MAGI2: variants seen among roughly 807,000 people sequenced by gnomAD.
MAGI2 encodes membrane associated guanylate kinase, WW and PDZ domain containing 2, also known as membrane-associated guanylate kinase, WW and PDZ domain-containing protein 2.
Under a neutral mutation model 133.3 loss-of-function variants are expected in MAGI2, and 35 were observed. The ratio of observed to expected loss-of-function variants is 0.26; its 90% CI spans 0.20 to 0.35. The LOEUF (loss-of-function observed/expected upper bound fraction) is 0.35, where lower values mean the gene tolerates loss of function less well. Among genes scored for constraint, MAGI2 ranks in the 10% least tolerant of loss-of-function variants. The pLI, the probability that MAGI2 is intolerant of heterozygous loss-of-function variation, is 1.00. For synonymous variants in MAGI2, 729 were observed against 710.6 expected (o/e 1.03, Z -0.41); for missense variants, 1,636 against 1,863.4 (o/e 0.88, Z 2.25).
intron 10 of MAGI2, 37 bp downstream of exon 10, chr7:78,255,906 C>T (rs1433471324): frequency 1.9e-6 from 3 of 1,593,474 alleles, no homozygotes; most frequent in Non-Finnish European, 2.6e-6. Context: ...TACTATTTTA[C>T]CCACATATTT....
chr7:79,287,091 T>A (rs988443139), intron 1 of MAGI2, among the ~76,000 whole-genome samples: 1 of 152,130 alleles, frequency 6.6e-6, no homozygotes, highest in Non-Finnish European at 1.5e-5. Flanking sequence ...TGTCCTTCAG[T>A]ACCTTACTCC....
intron 2 of MAGI2, among the ~76,000 whole-genome samples, chr7:78,987,935 T>C (rs926023695): frequency 1.3e-5 from 2 of 152,112 alleles, no homozygotes; most frequent in Admixed American, 6.6e-5. Context: ...ACACATTTTG[T>C]CTCAGGATTT....
intron 21 of MAGI2, among the ~76,000 whole-genome samples, chr7:78,066,540 A>G (rs1813848008): frequency 6.6e-6 from 1 of 151,756 alleles, no homozygotes; most frequent in Non-Finnish European, 1.5e-5. Context: ...AAAAAAATGC[A>G]GCAGTGTCTT....
chr7:79,305,305 T>A lies in MAGI2; in HGVS notation c.301+147715A>T, dbSNP rs61449027. On this transcript the variant is annotated intron_variant, in intron 1 of 21. Coordinates refer to ENST00000354212, the MANE Select transcript of MAGI2 (RefSeq NM_012301.4). ...AGCTCAGTCACTTCAACAGATCTTG[T>A]TTGTTTTCTTCATTGGAAGCTTTGA... Among the ~76,000 whole-genome samples the A allele has an allele frequency of 1.6e-3, 237 of 152,250 alleles. 9 individuals carry two copies. The East Asian group carries it at 0.04, about 25-fold the overall frequency.
intron 1 of MAGI2, among the ~76,000 whole-genome samples, chr7:79,439,320 T>A (rs1354037096): frequency 1.3e-5 from 2 of 152,100 alleles, no homozygotes; most frequent in Non-Finnish European, 2.9e-5. Flanking sequence ...CTGTCCTATC[T>A]TCTTGGATTC....
At chr7:78,394,076 A>G (rs1796129442) in intron 6 of MAGI2, among the ~76,000 whole-genome samples, 2 of 152,302 alleles carry the variant, frequency 1.3e-5, no homozygotes, top group South Asian at 4.1e-4. Context: ...TCCCAAGGCC[A>G]AAGCTCTGAG....
chr7:78,969,114 C>T (rs1164562173), intron 2 of MAGI2, among the ~76,000 whole-genome samples: 1 of 152,008 alleles, frequency 6.6e-6, no homozygotes, highest in Non-Finnish European at 1.5e-5. Context: ...CTTGTTGCCA[C>T]GTGTGTCGGG....
intron 2 of MAGI2, among the ~76,000 whole-genome samples, chr7:78,712,353 A>G (rs1819279832): frequency 6.6e-6 from 1 of 152,182 alleles, no homozygotes; most frequent in Non-Finnish European, 1.5e-5. Flanking sequence ...GCTATTTCCA[A>G]ACAAATTTAG....
intron 6 of MAGI2, among the ~76,000 whole-genome samples, chr7:78,479,467 G>A (rs535764889): frequency 1.3e-4 from 20 of 151,950 alleles, no homozygotes; most frequent in Non-Finnish European, 2.9e-4. Flanking sequence ...GGTGACCTAG[G>A]GAAGTGCTTT....
chr7:78,516,215 C>A (rs1047314350), intron 4 of MAGI2, among the ~76,000 whole-genome samples: 1 of 152,134 alleles, frequency 6.6e-6, no homozygotes, highest in African/African-American at 2.4e-5. Context: ...AGTTTATATA[C>A]GGGATTAATG....
At chr7:78,268,481 C>T (rs1794235482) in intron 9 of MAGI2, among the ~76,000 whole-genome samples, 1 of 152,010 alleles carries the variant, frequency 6.6e-6, no homozygotes, top group Non-Finnish European at 1.5e-5. Flanking sequence ...TATTTTAATC[C>T]TTGAAGTAGC....
At chr7:78,759,114 T>C (rs962795029) in intron 2 of MAGI2, among the ~76,000 whole-genome samples, 1 of 152,174 alleles carries the variant, frequency 6.6e-6, no homozygotes, top group African/African-American at 2.4e-5. Context: ...AACATATTTT[T>C]GGGAAAATCA....
chr7:79,150,900 T>A (rs1383057176), intron 1 of MAGI2, among the ~76,000 whole-genome samples: 2 of 152,102 alleles, frequency 1.3e-5, no homozygotes, highest in African/African-American at 4.8e-5. Context: ...TAATAAAATA[T>A]CTTAAAATAA....
At chr7:79,308,710 T>C (rs1350867674) in intron 1 of MAGI2, among the ~76,000 whole-genome samples, 1 of 152,186 alleles carries the variant, frequency 6.6e-6, no homozygotes, top group East Asian at 1.9e-4. Flanking sequence ...TAAGGACAAT[T>C]TGAATTATTT....
chr7:79,379,757 CT>C (rs926819983), intron 1 of MAGI2, among the ~76,000 whole-genome samples: 4 of 149,606 alleles, frequency 2.7e-5, no homozygotes, highest in African/African-American at 4.9e-5. Context: ...GCATAAATGT[CT>C]TTTTTTTAAG....
chr7:78,372,338 T>A (rs1794002871), intron 6 of MAGI2, among the ~76,000 whole-genome samples: 1 of 152,156 alleles, frequency 6.6e-6, no homozygotes, highest in African/African-American at 2.4e-5. Flanking sequence ...CTATTTGGAC[T>A]TGGATTAGTT....
intron 1 of MAGI2, among the ~76,000 whole-genome samples, chr7:79,173,814 T>G (rs977237648): frequency 6.6e-6 from 1 of 152,044 alleles, no homozygotes; most frequent in Non-Finnish European, 1.5e-5. Flanking sequence ...TACTTAGAAA[T>G]CAATACTAAT....
chr7:78,341,309 G>A (rs1790348914), intron 9 of MAGI2, among the ~76,000 whole-genome samples: 1 of 152,166 alleles, frequency 6.6e-6, no homozygotes, highest in East Asian at 1.9e-4. Flanking sequence ...GGGAATAAGA[G>A]AGGACACAAA....
intron 2 of MAGI2, among the ~76,000 whole-genome samples, chr7:78,978,272 C>T (rs1485425457): frequency 2.0e-5 from 3 of 151,760 alleles, no homozygotes; most frequent in Admixed American, 6.6e-5. Flanking sequence ...ACCCAAGATG[C>T]CCTTCCATAG....
Sources: allele counts gnomAD v4.1 joint callset (sites outside exome capture counted in the v4.1 genomes callset), GRCh38; gene constraint gnomAD v4.1.1; transcripts MANE v1.5; gene names NCBI Gene and HGNC (gene_info 2026-07-23, HGNC 2026-07-21).